WNT9B: variants seen among roughly 807,000 people sequenced by gnomAD.
The protein encoded by WNT9B is Wnt family member 9B.
WNT9B carries 12 observed loss-of-function variants against 30.2 expected under a neutral mutation model. The observed-to-expected ratio is 0.40, with a 90% CI of 0.26 to 0.64. The LOEUF is 0.64. Among genes scored for constraint, WNT9B ranks in the 30% least tolerant of loss-of-function variants. WNT9B has a pLI of 0.42. For synonymous variants in WNT9B, 218 were observed against 216.9 expected, an observed-to-expected ratio of 1.01 and a Z score of -0.05; for missense variants, 442 against 485.2, an observed-to-expected ratio of 0.91 and a Z score of 0.84.
At chr17:46,873,023 A>G (rs1007279944) in intron 2 of WNT9B, among the ~76,000 whole-genome samples, 1 of 151,858 alleles carries the variant, frequency 6.6e-6, no homozygotes, top group South Asian at 2.1e-4. Context: ...GAGGAGACAC[A>G]AGCCTATTCC....
intron 1 of WNT9B, among the ~76,000 whole-genome samples, chr17:46,856,366 TTC>T (rs1234682232): frequency 6.6e-6 from 1 of 152,170 alleles, no homozygotes; most frequent in Non-Finnish European, 1.5e-5. Flanking sequence ...GATGCTGGGG[TTC>T]TAAACATCAT....
At chr17:46,843,957 A>AT (rs1431910347) in intron 1 of WNT9B, among the ~76,000 whole-genome samples, 2 of 152,068 alleles carry the variant, frequency 1.3e-5, no homozygotes, top group Non-Finnish European at 2.9e-5. Flanking sequence ...CTTTATTATT[A>AT]TTTTTTCTAA....
intron 1 of WNT9B, among the ~76,000 whole-genome samples, chr17:46,862,094 C>T (rs1167986759): frequency 3.4e-5 from 5 of 145,374 alleles, no homozygotes; most frequent in Admixed American, 2.8e-4. Context: ...ACCTGGGAGG[C>T]GGAGTTTGCA....
chr17:46,839,911 CTTTTCTTTCTTTCTTTCTTT>C (rs2084679489), intron 1 of WNT9B, among the ~76,000 whole-genome samples: 1 of 134,780 alleles, frequency 7.4e-6, no homozygotes, highest in African/African-American at 2.7e-5. Flanking sequence ...CACATTTTCT[CTTTTCTTTCTTTCTTTCTTT>C]CTTTCTTTCT....
upstream of WNT9B, among the ~76,000 whole-genome samples, chr17:46,851,361 A>G (rs1377184373): frequency 6.9e-6 from 1 of 145,248 alleles, no homozygotes; most frequent in African/African-American, 2.5e-5. The surrounding 1 kb of genome is among the most constrained non-coding windows in gnomAD (Gnocchi z 4.3). Flanking sequence ...GCGCGGCGCC[A>G]GGTGAGCGCT....
chr17:46,845,124 C>G (rs768096076), intron 1 of WNT9B, among the ~76,000 whole-genome samples: 5 of 152,230 alleles, frequency 3.3e-5, no homozygotes, highest in Non-Finnish European at 7.3e-5. Flanking sequence ...GCTTGGATTA[C>G]AGGCGTAAGC....
In WNT9B at chr17:46,879,883, C is replaced by G. The variant is rs556356233; in HGVS notation, c.*3165C>G. The stretch of plus-strand genomic sequence containing the variant: ...CAGGGGCTTTGGCTGCCTGAGAAGG[C>G]TGGAGAGACCAGGAACCCATGGAGG... On this transcript the variant is annotated 3_prime_UTR_variant, in exon 4 of 4. Coordinates refer to ENST00000290015, the MANE Select transcript of WNT9B (RefSeq NM_003396.3). Among the ~76,000 whole-genome samples the G allele has an allele frequency of 2.6e-5, 4 of 152,334 alleles. No homozygotes were observed. Among genetic ancestry groups the G allele is most frequent in the East Asian group, 1.9e-4 (1 of 5,188 alleles).
At chr17:46,876,207 A>C (rs1320459153) in intron 3 of WNT9B, 38 bp from the exon 4 acceptor site, 1 of 1,546,460 alleles carries the variant, frequency 6.5e-7, no homozygotes, top group Non-Finnish European at 8.8e-7. Context: ...TGCTGGGCCC[A>C]GGCCTCTGAC....
At chr17:46,846,971 A>G (rs2084783087), upstream of WNT9B, among the ~76,000 whole-genome samples, 1 of 152,090 alleles carries the variant, frequency 6.6e-6, no homozygotes, top group Admixed American at 6.5e-5. Flanking sequence ...CCTCCCAAAT[A>G]CCTTTCCTGC....
rs773868000 is a variant in WNT9B, at chr17:46,876,225, C to T, written c.601-20C>T. The T allele has an allele frequency of 5.1e-6, 8 of 1,583,980 alleles. No homozygotes were observed. In the Admixed American group the frequency reaches 1.0e-4, roughly 20 times the overall value. ...TGGGCCCAGGCCTCTGACCACGCCT[C>T]TGTTCTGCCTCCCCCACAGGCTGTG... On this transcript the variant is annotated intron_variant, in intron 3 of 3. Coordinates refer to ENST00000290015, the MANE Select transcript of WNT9B (RefSeq NM_003396.3).
chr17:46,851,460 G>A, upstream of WNT9B: 2 of 328,924 alleles, frequency 6.1e-6, no homozygotes, highest in Non-Finnish European at 1.1e-5. This position sits in a 1 kb window ranked among gnomAD's most constrained non-coding sequence, Gnocchi z 4.3. Context: ...GGGCGAGGGC[G>A]GTGGGGCCAA....
intron 1 of WNT9B, among the ~76,000 whole-genome samples, chr17:46,857,787 T>C (rs1004414968): frequency 6.6e-6 from 1 of 152,220 alleles, no homozygotes; most frequent in Non-Finnish European, 1.5e-5. Context: ...TAGTATCTCA[T>C]TGTGGTTTTA....
upstream of WNT9B, among the ~76,000 whole-genome samples, chr17:46,848,953 G>A (rs1354160602): frequency 1.1e-4 from 15 of 134,812 alleles, no homozygotes; most frequent in Admixed American, 1.2e-3. Context: ...CACACACAGA[G>A]CTTGGTACAC....
chr17:46,838,556 G>A (rs933642252), intron 1 of WNT9B, among the ~76,000 whole-genome samples: 1 of 152,024 alleles, frequency 6.6e-6, no homozygotes, highest in African/African-American at 2.4e-5. Context: ...GAGCCTGGGA[G>A]GTCAAGGCTG....
intron 1 of WNT9B, among the ~76,000 whole-genome samples, chr17:46,842,943 A>C (rs1264514432): frequency 6.6e-6 from 1 of 152,222 alleles, no homozygotes; most frequent in Non-Finnish European, 1.5e-5. Flanking sequence ...GAAGAAACCG[A>C]GGTCGCAGAG....
At chr17:46,843,797 T>C (rs1256711819) in intron 1 of WNT9B, among the ~76,000 whole-genome samples, 2 of 152,230 alleles carry the variant, frequency 1.3e-5, no homozygotes, top group Non-Finnish European at 2.9e-5. Flanking sequence ...TATATAGATA[T>C]GTCAGAATGC....
intron 1 of WNT9B, among the ~76,000 whole-genome samples, chr17:46,867,462 G>C (rs6504591): frequency 6.6e-6 from 1 of 152,184 alleles, no homozygotes; most frequent in South Asian, 2.1e-4. Flanking sequence ...AGGTCACCTC[G>C]GAGTGAGTCA....
At chr17:46,853,546 A>G (rs940931338) in intron 1 of WNT9B, among the ~76,000 whole-genome samples, 35 of 151,520 alleles carry the variant, frequency 2.3e-4, no homozygotes, top group African/African-American at 8.2e-4. Context: ...TAATTTTTGT[A>G]TTTTTAGTAG....
chr17:46,872,766 C>G lies in WNT9B; in HGVS notation c.327C>G (p.Leu109=), dbSNP rs770370978. ...NCSLEGRMGL[L]KRGFKETAFL... is the part of the protein sequence containing the mutation. ...GCCTGGAGGGCAGGATGGGCCTGCT[C>G]AAGAGAGGTGGGGAGGAGGGCTAGG... The change falls in exon 2 of 4, where the codon CTC becomes CTG. Residue 109 remains leucine, a synonymous_variant. Transcript: ENST00000290015. 17 of 1,531,482 alleles carry G rather than the reference C, an allele frequency of 1.1e-5. No homozygotes were observed. The East Asian group carries it at 2.5e-4, about 22-fold the overall frequency. The allele number at this position is 1,531,482 out of a possible 1,614,324, so 94.9% of individuals were successfully genotyped here. A position where few individuals can be genotyped will look rare whatever the true frequency, so the allele number is the denominator to read the frequency against.
Sources: allele counts gnomAD v4.1 joint callset (sites outside exome capture counted in the v4.1 genomes callset), GRCh38; gene constraint gnomAD v4.1.1; non-coding constraint Gnocchi (gnomAD v3.1); transcripts MANE v1.5; gene names NCBI Gene and HGNC (gene_info 2026-07-23, HGNC 2026-07-21).